Variants in DMXL1 observed in about 807,000 individuals in gnomAD.
DMXL1 encodes Dmx like 1.
In DMXL1, 99 loss-of-function variants were observed where a neutral mutation model predicts 319.2. The ratio of observed to expected loss-of-function variants is 0.31; its 90% CI spans 0.26 to 0.37. DMXL1 has a LOEUF of 0.37. DMXL1 is among the 10% of genes least tolerant of loss of function. DMXL1 has a pLI of 1.00. For missense variants in DMXL1, 3,745 were observed against 3,595.6 expected (o/e 1.04, Z -1.06); for synonymous variants, 1,385 against 1,235.2 (o/e 1.12, Z -2.54).
At chr5:119,105,136 A>G in intron 3 of DMXL1, 44 bp from the exon 4 acceptor site, 1 of 1,262,282 alleles carries the variant, frequency 7.9e-7, no homozygotes, top group Non-Finnish European at 1.2e-6. Flanking sequence ...TGACAGAGAA[A>G]ATATGCCAAT....
intron 13 of DMXL1, among the ~76,000 whole-genome samples, chr5:119,141,002 AAC>A (rs141001764): frequency 0.028 from 4,207 of 152,310 alleles, 170 homozygotes; most frequent in African/African-American, 0.093. Flanking sequence ...GAAGACAAAA[AAC>A]ACATAATTTT....
At chr5:119,238,841 T>TA (rs1364750490) in intron 40 of DMXL1, 148 bp from the exon 41 acceptor site, 2 of 1,422,304 alleles carry the variant, frequency 1.4e-6, no homozygotes, top group Non-Finnish European at 1.8e-6. Context: ...GTATTACTTT[T>TA]ACAATTTTTC....
chr5:119,206,949 C>A, intron 34 of DMXL1, 53 bp downstream of exon 34: 1 of 1,118,418 alleles, frequency 8.9e-7, no homozygotes, highest in Non-Finnish European at 1.3e-6. Context: ...CACAAAAGAA[C>A]AAAGCATTTG....
intron 9 of DMXL1, among the ~76,000 whole-genome samples, chr5:119,125,333 C>T (rs1175774128): frequency 6.6e-6 from 1 of 152,064 alleles, no homozygotes; most frequent in African/African-American, 2.4e-5. Context: ...TAGGAATGAT[C>T]TATAAATGCA....
intron 34 of DMXL1, among the ~76,000 whole-genome samples, chr5:119,208,781 TA>T (rs1782218251): frequency 6.6e-6 from 1 of 152,146 alleles, no homozygotes; most frequent in South Asian, 2.1e-4. Context: ...GTATATACAC[TA>T]GCGAAGCCAT....
At position 119,098,017 on chromosome 5, in the gene DMXL1, C is replaced by T. The variant is rs564874423; in HGVS notation, c.126C>T (p.Ser42=). 48 of 1,606,350 alleles carry T rather than the reference C, an allele frequency of 3.0e-5. No homozygotes were observed. Among genetic ancestry groups the T allele is most frequent in the South Asian group, 1.7e-4 (15 of 89,050 alleles). Residue 42 remains serine, a synonymous_variant, in exon 2 of 44, where the codon AGC becomes AGT. Transcript: ENST00000539542. The part of the protein sequence containing the change: ...ASGCDIVILG[S]DFERLQIIPG... ...GATGTGACATTGTAATACTGGGAAG[C>T]GATTTTGAAAGATTACAGATAATCC... is the stretch of plus-strand genomic sequence containing the variant.
chr5:119,213,086 A>C (rs1172527034), intron 34 of DMXL1, among the ~76,000 whole-genome samples: 1 of 152,228 alleles, frequency 6.6e-6, no homozygotes, highest in Non-Finnish European at 1.5e-5. Context: ...GCACAAATCC[A>C]AAATTAATAT....
rs143822091 is a variant in DMXL1 at position 119,152,253 on chromosome 5, C to G, written c.4702+217C>G. On this transcript the variant is annotated intron_variant, in intron 19 of 43. Transcript: ENST00000539542. The stretch of plus-strand genomic sequence containing the variant: ...CAAAAGGAGTTAATGAAGAAACATA[C>G]TGGAGATGTTCTGTGTTATGTTTTT... Among the ~76,000 whole-genome samples the G allele has an allele frequency of 3.4e-3, 518 of 152,240 alleles. 3 individuals carry two copies. The highest frequency in any genetic ancestry group is 0.012 in the African/African-American group (510 of 41,560).
At chr5:119,100,750 T>G (rs546125096) in intron 2 of DMXL1, 32 of 151,956 alleles carry the variant, frequency 2.1e-4, no homozygotes, top group African/African-American at 7.5e-4. Flanking sequence ...ATTGCCTCTT[T>G]TAATCTTTAC....
intron 19 of DMXL1, among the ~76,000 whole-genome samples, chr5:119,152,605 A>G (rs1311746724): frequency 2.0e-5 from 3 of 152,214 alleles, no homozygotes; most frequent in Non-Finnish European, 4.4e-5. Context: ...TAGACTTTGA[A>G]CTGTCTTAGC....
At chr5:119,165,393 T>A in intron 21 of DMXL1, 113 bp downstream of exon 21, 1 of 587,936 alleles carries the variant, frequency 1.7e-6, no homozygotes, top group Non-Finnish European at 2.9e-6. Context: ...ATGTAGATTC[T>A]TAGTTGTTTT....
chr5:119,124,400 G>A (rs909251358), intron 9 of DMXL1, among the ~76,000 whole-genome samples: 7 of 151,832 alleles, frequency 4.6e-5, no homozygotes, highest in Non-Finnish European at 8.8e-5. Flanking sequence ...TTCCTTGAGC[G>A]TGAGAAGGGA....
Position 119,189,792 on chromosome 5 carries a change from C to A in DMXL1, c.7220C>A (p.Thr2407Asn). The A allele has an allele frequency of 6.2e-7, 1 of 1,614,128 alleles. No individual in the cohort carries two copies. Among genetic ancestry groups the A allele is most frequent in the Non-Finnish European group, 8.5e-7 (1 of 1,180,002 alleles). Reference protein sequence around the residue: ...KMSCRESAPLTPSSAPVSQES... With the variant: ...KMSCRESAPLNPSSAPVSQES... ...TCTTGCAGAGAATCTGCCCCACTGA[C>A]CCCTTCCTCGGCACCAGTAAGCCAG... Residue 2407 changes from threonine to asparagine, a missense_variant, in exon 29 of 44, where the codon ACC becomes AAC. Around this residue, in one of 4 missense-constraint regions of DMXL1, gnomAD observed 1,382 missense variants for 1,269.5 expected, o/e 1.09. Transcript: ENST00000539542.
At chr5:119,242,600 T>A (rs1237471191) in intron 42 of DMXL1, among the ~76,000 whole-genome samples, 1 of 152,192 alleles carries the variant, frequency 6.6e-6, no homozygotes, top group Non-Finnish European at 1.5e-5. Flanking sequence ...TTTGCAGATA[T>A]CAACAAACTG....
chr5:119,086,306 G>A (rs1753351684), intron 1 of DMXL1, among the ~76,000 whole-genome samples: 1 of 152,142 alleles, frequency 6.6e-6, no homozygotes, highest in Non-Finnish European at 1.5e-5. Context: ...GGAAATTATG[G>A]GAGTACCATT....
chr5:119,149,062 A>G lies in DMXL1; in HGVS notation c.3235A>G (p.Ser1079Gly). 1.2e-6 allele frequency: 2 copies of G among 1,613,964 alleles called. No individual in the cohort carries two copies. Among genetic ancestry groups the G allele is most frequent in the Non-Finnish European group, 8.5e-7 (1 of 1,179,876 alleles). Residue 1079 changes from serine to glycine, a missense_variant, in exon 18 of 44, where the codon AGT (serine) becomes GGT (glycine). Ser to Gly is a moderately conservative substitution (Grantham distance 56, BLOSUM62 0). Transcript: ENST00000539542. Reference protein sequence around the residue: ...RSSQDFVMHVSIFECESTGGS... With the variant: ...RSSQDFVMHVGIFECESTGGS... ...TTCCCAGGACTTTGTGATGCATGTAAGTATTTTTGAATGTGAGTCAACAGG... is the reference window on the plus strand; with the variant it reads ...TTCCCAGGACTTTGTGATGCATGTAGGTATTTTTGAATGTGAGTCAACAGG...
chr5:119,124,678 G>A (rs901544363), intron 9 of DMXL1, among the ~76,000 whole-genome samples: 2 of 148,610 alleles, frequency 1.3e-5, no homozygotes, highest in Admixed American at 1.4e-4. Flanking sequence ...TGATTCTTCT[G>A]CCTCAGCCTC....
chr5:119,087,323 A>G (rs934903179), intron 1 of DMXL1, among the ~76,000 whole-genome samples: 1 of 151,734 alleles, frequency 6.6e-6, no homozygotes, highest in Admixed American at 6.6e-5. Flanking sequence ...ATTGCTTTCA[A>G]CTTTTCTTAG....
At position 119,177,353 on chromosome 5, in the gene DMXL1, T is replaced by G; in HGVS notation, c.6759-4T>G. 6.6e-7 allele frequency: 1 copy of G among 1,514,702 alleles called. No individual in the cohort carries two copies. The highest frequency in any genetic ancestry group is 8.9e-7 in the Non-Finnish European group (1 of 1,127,450). The allele number at this position is 1,514,702 out of a possible 1,614,324, so 93.8% of individuals were successfully genotyped here. A position where few individuals can be genotyped will look rare whatever the true frequency, so the allele number is the denominator to read the frequency against. On this transcript the variant is annotated splice_polypyrimidine_tract_variant and splice_region_variant and intron_variant, in intron 26 of 43. Coordinates refer to ENST00000539542, the MANE Select transcript of DMXL1 (RefSeq NM_001290321.3). ...TAGATTTAAATATTGTTTTTTTCTC[T>G]TAGTTCATTTCAGACGAATCAGTTT...
Sources: gnomAD v4.1 joint callset for allele counts (sites outside exome capture counted in the v4.1 genomes callset) on GRCh38, gnomAD v4.1.1 for gene constraint, gnomAD v4.1.1 regional missense constraint, MANE v1.5 for transcripts, NCBI Gene and HGNC (gene_info 2026-07-23, HGNC 2026-07-21) for gene names.